SAMD5: variants seen among roughly 807,000 people sequenced by gnomAD.
The protein encoded by SAMD5 is sterile alpha motif domain-containing protein 5.
Under a neutral mutation model 11.3 loss-of-function variants are expected in SAMD5, and 13 were observed. The observed-to-expected ratio is 1.15, with a 90% CI of 0.75 to 1.83. The LOEUF (loss-of-function observed/expected upper bound fraction) is 1.83, where lower values mean the gene tolerates loss of function less well. SAMD5 is among the 40% of genes most tolerant of loss of function. The pLI, the probability that SAMD5 is intolerant of heterozygous loss-of-function variation, is 0.00. For synonymous variants in SAMD5, 129 were observed against 111.3 expected (o/e 1.16, Z -1.00); for missense variants, 255 against 239.1 (o/e 1.07, Z -0.44).
Position 147,565,489 on chromosome 6 carries a change from C to T in SAMD5, c.*1033C>T, listed in dbSNP as rs542205661. On this transcript the variant is annotated 3_prime_UTR_variant, in exon 2 of 2. Coordinates refer to ENST00000367474, the MANE Select transcript of SAMD5 (RefSeq NM_001030060.3). ...GTTTTTTTTTTTTTAGACAGAGTCT[C>T]GCTCTGTCACCCAGGCTGGAGTGTA... is the stretch of plus-strand genomic sequence containing the variant. 2.1e-5 allele frequency: 19 copies of T among 904,580 alleles called. No homozygotes were observed. The highest frequency in any genetic ancestry group is 2.4e-4 in the East Asian group (2 of 8,226). 56.0% of individuals were successfully genotyped at this position (904,580 alleles called of 1,614,324 possible).
chr6:147,615,888 C>T (rs1789859797), intron 1 of SAMD5, among the ~76,000 whole-genome samples: 1 of 152,076 alleles, frequency 6.6e-6, no homozygotes, highest in Admixed American at 6.5e-5. Context: ...TGATTCTGCT[C>T]TTCTAGATGA....
rs142291312 is a variant in SAMD5 at position 147,590,326 on chromosome 6, G to A, written c.162+80939G>A. Reference sequence around the variant, plus strand: ...TACTTAATGTTTCTCAAAGAAACCCGTGATAGCTGGGTCTGTGTTTTTCTC... The same window carrying A: ...TACTTAATGTTTCTCAAAGAAACCCATGATAGCTGGGTCTGTGTTTTTCTC... On this transcript the variant is annotated intron_variant, in intron 1 of 1. Coordinates refer to the SAMD5 transcript ENST00000566741. Among the ~76,000 whole-genome samples, 187 of 152,242 alleles carry A rather than the reference G, an allele frequency of 1.2e-3. 1 individual carries two copies. The highest frequency in any genetic ancestry group is 4.1e-3 in the African/African-American group (170 of 41,560).
Position 147,659,741 on chromosome 6 carries a change from C to A in SAMD5, c.163-77576C>A, listed in dbSNP as rs373450015. ...AATAATTTCTTGGAAATATCTCTCT[C>A]TATATATAGGGTATATATTTATAGC... On this transcript the variant is annotated intron_variant, in intron 1 of 1. Coordinates refer to the SAMD5 transcript ENST00000566741. 2.8e-3 allele frequency among the ~76,000 whole-genome samples: 431 copies of A among 152,266 alleles called. 3 individuals are homozygous for A. The highest frequency in any genetic ancestry group is 8.9e-3 in the African/African-American group (369 of 41,524).
the SAMD5 span, among the ~76,000 whole-genome samples, chr6:147,912,450 G>T: frequency 6.6e-6 from 1 of 151,690 alleles, no homozygotes; most frequent in Middle Eastern, 3.4e-3. Context: ...GCCAAATCCA[G>T]TGAACAAGCT....
chr6:147,672,344 A>G (rs758341983), intron 1 of SAMD5, among the ~76,000 whole-genome samples: 4 of 152,180 alleles, frequency 2.6e-5, no homozygotes, highest in African/African-American at 4.8e-5. Flanking sequence ...TTCTTTAATT[A>G]CAAAATGTTA....
At chr6:147,579,774 A>C (rs1789269627) in intron 1 of SAMD5, among the ~76,000 whole-genome samples, 1 of 152,124 alleles carries the variant, frequency 6.6e-6, no homozygotes. Flanking sequence ...TGAATTCTTA[A>C]ATGTTATACT....
intron 1 of SAMD5, among the ~76,000 whole-genome samples, chr6:147,602,057 T>C (rs1011945824): frequency 1.3e-5 from 2 of 152,208 alleles, no homozygotes; most frequent in Admixed American, 1.3e-4. Flanking sequence ...AGCAACTTGT[T>C]TCATTCTGGT....
At chr6:147,830,900 G>A in the SAMD5 span, among the ~76,000 whole-genome samples, 10 of 152,230 alleles carry the variant, frequency 6.6e-5, no homozygotes, top group South Asian at 4.1e-4. Context: ...GTTTTTTCCC[G>A]CTATTGTTAC....
intron 1 of SAMD5, among the ~76,000 whole-genome samples, chr6:147,534,933 A>C (rs2128441477): frequency 6.6e-6 from 1 of 152,308 alleles, no homozygotes; most frequent in Middle Eastern, 3.4e-3. Flanking sequence ...TAAACCATAA[A>C]CTATAAACTA....
At chr6:147,614,718 A>T (rs1389060270) in intron 1 of SAMD5, among the ~76,000 whole-genome samples, 2 of 151,830 alleles carry the variant, frequency 1.3e-5, no homozygotes, top group African/African-American at 4.9e-5. Context: ...ACCCAAGAGA[A>T]CTTTCTGGAA....
chr6:147,851,560 A>G, the SAMD5 span, among the ~76,000 whole-genome samples: 1 of 152,204 alleles, frequency 6.6e-6, no homozygotes, highest in Admixed American at 6.5e-5. Context: ...TATATCACAG[A>G]GTACGAAGTG....
chr6:147,508,753 C>T lies in SAMD5; in HGVS notation c.-176C>T, dbSNP rs1358665051. Among the ~76,000 whole-genome samples the T allele has an allele frequency of 5.9e-5, 9 of 152,186 alleles. No individual in the cohort carries two copies. Among genetic ancestry groups the T allele is most frequent in the Non-Finnish European group, 1.0e-4 (7 of 68,020 alleles). ...TTGCTGCTTGTTCGCTTCTCCCTTC[C>T]TCAGGCTTCTTCTGATGGTTTTCCG... On this transcript the variant is annotated 5_prime_UTR_variant, in exon 1 of 2. Transcript: ENST00000367474.
chr6:147,902,403 A>G, the SAMD5 span, among the ~76,000 whole-genome samples: 1 of 151,994 alleles, frequency 6.6e-6, no homozygotes, highest in Admixed American at 6.6e-5. Context: ...GGATTCATAG[A>G]GCTCATTTGC....
the SAMD5 span, among the ~76,000 whole-genome samples, chr6:147,753,041 C>T: frequency 2.0e-5 from 3 of 152,150 alleles, no homozygotes; most frequent in African/African-American, 7.2e-5. Flanking sequence ...GAATGTGATG[C>T]TTGTTTCATA....
chr6:147,560,509 T>C (rs1788930881), intron 1 of SAMD5, among the ~76,000 whole-genome samples: 1 of 152,186 alleles, frequency 6.6e-6, no homozygotes, highest in Non-Finnish European at 1.5e-5. Flanking sequence ...ATATGGAAAA[T>C]GTGTGTCAAC....
In SAMD5 at chr6:147,568,952, C is replaced by T. The variant is rs951272419; in HGVS notation, c.*4496C>T. ...GGTAGTTCAGAAAAAAATGGCTGGG[C>T]ACGGTGGCTCACGCCTGTAATCCCA... On this transcript the variant is annotated 3_prime_UTR_variant, in exon 2 of 2. Transcript: ENST00000367474. The T allele has an allele frequency of 3.2e-6, 3 of 940,700 alleles. No individual in the cohort carries two copies. Among genetic ancestry groups the T allele is most frequent in the Non-Finnish European group, 3.8e-6 (3 of 789,364 alleles). 58.3% of individuals were successfully genotyped at this position (940,700 alleles called of 1,614,324 possible).
intron 1 of SAMD5, among the ~76,000 whole-genome samples, chr6:147,729,383 A>G (rs996741140): frequency 6.6e-6 from 1 of 152,218 alleles, no homozygotes; most frequent in Non-Finnish European, 1.5e-5. Context: ...TTGACCTTGC[A>G]AAATATTAAA....
the SAMD5 span, among the ~76,000 whole-genome samples, chr6:147,852,650 A>T: frequency 1.3e-5 from 2 of 152,338 alleles, no homozygotes; most frequent in South Asian, 2.1e-4. Flanking sequence ...ACCCGCAAAG[A>T]ACTGCTTCAT....
rs1789107098 is a variant in SAMD5 at position 147,569,743 on chromosome 6, G to C, written c.*5287G>C. 1 of 985,268 alleles carries C rather than the reference G, an allele frequency of 1.0e-6. No homozygotes were observed. Among genetic ancestry groups the C allele is most frequent in the Non-Finnish European group, 1.2e-6 (1 of 829,862 alleles). The allele number at this position is 985,268 out of a possible 1,614,324, so 61.0% of individuals were successfully genotyped here. A position where few individuals can be genotyped will look rare whatever the true frequency, so the allele number is the denominator to read the frequency against. ...TTCATAGAAAATTTCTGCCCCTACA[G>C]AAGTGTGTGCATGGGCCTTGGAAAA... On this transcript the variant is annotated 3_prime_UTR_variant, in exon 2 of 2. Transcript: ENST00000367474.
Sources: allele counts gnomAD v4.1 joint callset (sites outside exome capture counted in the v4.1 genomes callset), GRCh38; gene constraint gnomAD v4.1.1; transcripts MANE v1.5; gene names NCBI Gene and HGNC (gene_info 2026-07-23, HGNC 2026-07-21).